Variants in MRPL19 observed in about 807,000 individuals in gnomAD.
MRPL19 encodes mitochondrial ribosomal protein L19.
Under a neutral mutation model 34.0 loss-of-function variants are expected in MRPL19, and 31 were observed. The observed-to-expected ratio is 0.91, with a 90% confidence interval of 0.68 to 1.23. The LOEUF (loss-of-function observed/expected upper bound fraction) is 1.23. Ranked by LOEUF, MRPL19 falls within the 50% of genes most tolerant of loss-of-function variation. The pLI is 0.00. For synonymous variants in MRPL19, 152 were observed against 127.7 expected (o/e 1.19, Z -1.28); for missense variants, 384 against 367.6 (o/e 1.04, Z -0.37).
Position 75,659,074 on chromosome 2 carries a change from C to G in MRPL19, c.*3789C>G, listed in dbSNP as rs575719331. 6.6e-6 allele frequency among the ~76,000 whole-genome samples: 1 copy of G among 152,052 alleles called. No individual in the cohort carries two copies. Among genetic ancestry groups the G allele is most frequent in the South Asian group, 2.1e-4 (1 of 4,816 alleles). The stretch of plus-strand genomic sequence containing the variant: ...TAACACTTCTTCTATATGTCATATA[C>G]TTTTTTGGCCCCTCATTTCCTCTTT... On this transcript the variant is annotated 3_prime_UTR_variant, in exon 6 of 6. Coordinates refer to ENST00000393909, the MANE Select transcript of MRPL19 (RefSeq NM_014763.4).
Position 75,654,921 on chromosome 2 carries a change from TG to T in MRPL19, c.657+7del. 2 of 1,593,972 alleles carry T rather than the reference TG, an allele frequency of 1.3e-6. No individual in the cohort carries two copies. Among genetic ancestry groups the T allele is most frequent in the Non-Finnish European group, 1.7e-6 (2 of 1,172,870 alleles). On this transcript the variant is annotated splice_donor_5th_base_variant and intron_variant, in intron 5 of 5. Coordinates refer to ENST00000393909, the MANE Select transcript of MRPL19 (RefSeq NM_014763.4). The stretch of plus-strand genomic sequence containing the variant: ...CCAAAAAGTTCCTGTTAATGAGGTA[TG>T]GGTTATACATTTGAAACTAGAAGTT...
chr2:75,654,219 GC>G (rs1330301411), intron 4 of MRPL19, among the ~76,000 whole-genome samples: 5 of 152,118 alleles, frequency 3.3e-5, no homozygotes, highest in Non-Finnish European at 2.9e-5. Flanking sequence ...CAAGCACTGT[GC>G]CCTCACATGG....
chr2:75,657,941 G>T lies in MRPL19; in HGVS notation c.*2656G>T, dbSNP rs1375193601. ...AACATTTTAAATTTACAAGTCAGAG[G>T]CATTAATTACATCACAATGTTGTGA... is the stretch of plus-strand genomic sequence containing the variant. On this transcript the variant is annotated 3_prime_UTR_variant, in exon 6 of 6. Transcript: ENST00000393909. 6.6e-6 allele frequency: 1 copy of T among 151,852 alleles called. No individual in the cohort carries two copies. The highest frequency in any genetic ancestry group is 2.4e-5 in the African/African-American group (1 of 41,314). 9.4% of individuals were successfully genotyped at this position (151,852 alleles called of 1,614,324 possible). A position where few individuals can be genotyped will look rare whatever the true frequency, so the allele number is the denominator to read the frequency against.
In MRPL19 at chr2:75,659,786, T is replaced by C. The variant is rs757629816; in HGVS notation, c.*4501T>C. 1.1e-4 allele frequency among the ~76,000 whole-genome samples: 16 copies of C among 152,198 alleles called. No individual in the cohort carries two copies. The highest frequency in any genetic ancestry group is 1.8e-4 in the Non-Finnish European group (12 of 68,022). ...TTCTTGATGAGTCAGTTCTGTCTTA[T>C]TGCTTTTCGGATTTGCTCAGCTTTT... On this transcript the variant is annotated 3_prime_UTR_variant, in exon 6 of 6. Transcript: ENST00000393909.
chr2:75,647,207 A>G lies in MRPL19; in HGVS notation c.209A>G (p.Glu70Gly). The G allele has an allele frequency of 6.3e-7, 1 of 1,580,874 alleles. No individual in the cohort carries two copies. The highest frequency in any genetic ancestry group is 1.2e-5 in the South Asian group (1 of 86,164). The stretch of plus-strand genomic sequence containing the variant: ...ATCGTGGACAAGCACCGCCCCGTGG[A>G]ACCGGAACGCAGGTGAGGCACTGCC... Reference protein sequence around the residue: ...PVIVDKHRPVEPERRFLSPEF... With the variant: ...PVIVDKHRPVGPERRFLSPEF... The change falls in exon 2 of 6, where the codon GAA (glutamate) becomes GGA (glycine). Residue 70 changes from glutamate (E) to glycine (G), a missense_variant. Coordinates refer to ENST00000393909, the MANE Select transcript of MRPL19 (RefSeq NM_014763.4).
rs1158902700 is a variant in MRPL19, at chr2:75,657,577, A to G, written c.*2292A>G. The G allele has an allele frequency of 6.6e-6, 1 of 152,188 alleles. No individual in the cohort carries two copies. The highest frequency in any genetic ancestry group is 1.5e-5 in the Non-Finnish European group (1 of 68,014). 9.4% of individuals were successfully genotyped at this position (152,188 alleles called of 1,614,324 possible). ...AAAGGTTAACAAGAGCCTATATCTT[A>G]TATTTTTCTTCTCTTTATCTTGTTA... On this transcript the variant is annotated 3_prime_UTR_variant, in exon 6 of 6. Coordinates refer to ENST00000393909, the MANE Select transcript of MRPL19 (RefSeq NM_014763.4).
intron 2 of MRPL19, 45 bp downstream of exon 2, chr2:75,647,264 G>C (rs2286239): frequency 0.26 from 400,031 of 1,525,308 alleles, 54,947 homozygotes; most frequent in South Asian, 0.28. Flanking sequence ...GGGTCGGTGC[G>C]CGCGTGAGCG....
rs1056610074 is a variant in MRPL19, at chr2:75,656,355, T to A, written c.*1070T>A. 5.9e-5 allele frequency: 9 copies of A among 152,186 alleles called. No homozygotes were observed. Among genetic ancestry groups the A allele is most frequent in the African/African-American group, 2.2e-4 (9 of 41,442 alleles). 9.4% of individuals were successfully genotyped at this position (152,186 alleles called of 1,614,324 possible). A position where few individuals can be genotyped will look rare whatever the true frequency, so the allele number is the denominator to read the frequency against. ...AAAAAATACAGTACTATCCTAAATC[T>A]TGAAGGCAACTCTCAGCCTATCCAT... On this transcript the variant is annotated 3_prime_UTR_variant, in exon 6 of 6. Transcript: ENST00000393909.
At position 75,656,802 on chromosome 2, in the gene MRPL19, C is replaced by G. The variant is rs1423140484; in HGVS notation, c.*1517C>G. The G allele has an allele frequency of 2.0e-5, 3 of 152,032 alleles. No homozygotes were observed. The highest frequency in any genetic ancestry group is 1.3e-4 in the Admixed American group (2 of 15,242). 9.4% of individuals were successfully genotyped at this position (152,032 alleles called of 1,614,324 possible). A position where few individuals can be genotyped will look rare whatever the true frequency, so the allele number is the denominator to read the frequency against. On this transcript the variant is annotated 3_prime_UTR_variant, in exon 6 of 6. Transcript: ENST00000393909. ...AGATAGTAACTCATTTCTGTCAGTT[C>G]TGGGAAACACTTAGCATTGGTTGAT... is the stretch of plus-strand genomic sequence containing the variant.
Position 75,654,852 on chromosome 2 carries a change from A to G in MRPL19, c.592A>G (p.Ser198Gly). 6.2e-7 allele frequency: 1 copy of G among 1,613,932 alleles called. No homozygotes were observed. Among genetic ancestry groups the G allele is most frequent in the South Asian group, 1.1e-5 (1 of 91,074 alleles). ...LYLRDALPEY[S>G]TFDVNMKPVV... Reference sequence around the variant, plus strand: ...CTTACGAGATGCCCTTCCTGAATATAGCACTTTTGATGTGAATATGAAGCC... The same window carrying G: ...CTTACGAGATGCCCTTCCTGAATATGGCACTTTTGATGTGAATATGAAGCC... Residue 198 changes from serine (S) to glycine (G), a missense_variant, in exon 5 of 6, where the codon AGC becomes GGC. Physicochemically the swap from Ser to Gly is moderately conservative, Grantham distance 56. Coordinates refer to ENST00000393909, the MANE Select transcript of MRPL19 (RefSeq NM_014763.4).
Position 75,654,920 on chromosome 2 carries a change from A to C in MRPL19, c.657+3A>C. The C allele has an allele frequency of 6.2e-7, 1 of 1,607,048 alleles. No individual in the cohort carries two copies. The highest frequency in any genetic ancestry group is 8.5e-7 in the Non-Finnish European group (1 of 1,176,704). On this transcript the variant is annotated splice_donor_region_variant and intron_variant, in intron 5 of 5. Transcript: ENST00000393909. The stretch of plus-strand genomic sequence containing the variant: ...ACCAAAAAGTTCCTGTTAATGAGGT[A>C]TGGGTTATACATTTGAAACTAGAAG...
Position 75,657,032 on chromosome 2 carries a change from A to G in MRPL19, c.*1747A>G, listed in dbSNP as rs1678470100. 1 of 152,156 alleles carries G rather than the reference A, an allele frequency of 6.6e-6. No homozygotes were observed. Among genetic ancestry groups the G allele is most frequent in the South Asian group, 2.1e-4 (1 of 4,832 alleles). The allele number at this position is 152,156 out of a possible 1,614,324, so 9.4% of individuals were successfully genotyped here. A position where few individuals can be genotyped will look rare whatever the true frequency, so the allele number is the denominator to read the frequency against. On this transcript the variant is annotated 3_prime_UTR_variant, in exon 6 of 6. Coordinates refer to ENST00000393909, the MANE Select transcript of MRPL19 (RefSeq NM_014763.4). ...AGAAGTTCCTTTTCTTACAACCAAA[A>G]AGCCTTTATCTATGGATTTGTTCAC...
rs1048858014 is a variant in MRPL19 at position 75,660,418 on chromosome 2, G to T, written c.*5133G>T. 1.3e-5 allele frequency: 2 copies of T among 152,084 alleles called. No homozygotes were observed. The highest frequency in any genetic ancestry group is 2.9e-5 in the Non-Finnish European group (2 of 68,004). The allele number at this position is 152,084 out of a possible 1,614,324, so 9.4% of individuals were successfully genotyped here. A position where few individuals can be genotyped will look rare whatever the true frequency, so the allele number is the denominator to read the frequency against. On this transcript the variant is annotated 3_prime_UTR_variant, in exon 6 of 6. Transcript: ENST00000393909. ...ATACTTTCCTGTGTCTTTGTATGCTGTCTTTTTGTTGTTGAAAACTGTATG... is the reference window on the plus strand; with the variant it reads ...ATACTTTCCTGTGTCTTTGTATGCTTTCTTTTTGTTGTTGAAAACTGTATG...
At chr2:75,651,229 C>G in intron 2 of MRPL19, 1 of 437,070 alleles carries the variant, frequency 2.3e-6, no homozygotes. Flanking sequence ...ACCCAAATCC[C>G]TCCCACCCGC....
At position 75,656,156 on chromosome 2, in the gene MRPL19, A is replaced by G. The variant is rs998751296; in HGVS notation, c.*871A>G. 1.3e-5 allele frequency: 2 copies of G among 152,240 alleles called. No homozygotes were observed. Among genetic ancestry groups the G allele is most frequent in the African/African-American group, 4.8e-5 (2 of 41,456 alleles). 9.4% of individuals were successfully genotyped at this position (152,240 alleles called of 1,614,324 possible). A position where few individuals can be genotyped will look rare whatever the true frequency, so the allele number is the denominator to read the frequency against. Reference sequence around the variant, plus strand: ...TAAACTGTTTTTTGATGCTCACAGCATGATGAATCAAACTCTGTATCTTAG... The same window carrying G: ...TAAACTGTTTTTTGATGCTCACAGCGTGATGAATCAAACTCTGTATCTTAG... On this transcript the variant is annotated 3_prime_UTR_variant, in exon 6 of 6. Transcript: ENST00000393909.
At chr2:75,651,078 C>T (rs948222237) in intron 2 of MRPL19, among the ~76,000 whole-genome samples, 5 of 152,192 alleles carry the variant, frequency 3.3e-5, no homozygotes, top group South Asian at 2.1e-4. Flanking sequence ...AGGAATGTAT[C>T]ATGGCCTTAA....
intron 2 of MRPL19, 33 bp downstream of exon 2, chr2:75,647,252 T>G (rs987654598): frequency 1.3e-6 from 2 of 1,548,714 alleles, no homozygotes; most frequent in Non-Finnish European, 1.7e-6. Context: ...GGCCGGCAAC[T>G]GGGGTCGGTG....
rs886499575 is a variant in MRPL19 at position 75,659,164 on chromosome 2, A to G, written c.*3879A>G. ...ATTCTCTTTCCACTCCCCTTTGTGT[A>G]TATTTGTTAGATGTTTTATTTGTGG... On this transcript the variant is annotated 3_prime_UTR_variant, in exon 6 of 6. Coordinates refer to ENST00000393909, the MANE Select transcript of MRPL19 (RefSeq NM_014763.4). Among the ~76,000 whole-genome samples, 2 of 151,076 alleles carry G rather than the reference A, an allele frequency of 1.3e-5. No individual in the cohort carries two copies. Among genetic ancestry groups the G allele is most frequent in the South Asian group, 2.1e-4 (1 of 4,792 alleles).
chr2:75,654,715 T>A (rs770179591), intron 4 of MRPL19, 21 bp from the exon 5 acceptor site: 4 of 1,609,984 alleles, frequency 2.5e-6, no homozygotes, highest in Non-Finnish European at 3.4e-6. Flanking sequence ...ATTGTAAGAA[T>A]ATGTTTTCTG....
Sources: allele counts gnomAD v4.1 joint callset (sites outside exome capture counted in the v4.1 genomes callset), GRCh38; gene constraint gnomAD v4.1.1; transcripts MANE v1.5; gene names NCBI Gene and HGNC (gene_info 2026-07-23, HGNC 2026-07-21).